The following ABCB7 variants were observed in gnomAD, a reference collection of about 807,000 sequenced individuals.
ABCB7 encodes iron-sulfur clusters transporter ABCB7, mitochondrial.
ABCB7 carries 7 observed loss-of-function variants against 54.4 expected under a neutral mutation model. That is an observed-to-expected ratio of 0.13 (90% CI 0.07 to 0.24). The LOEUF is 0.24. Among genes scored for constraint, ABCB7 ranks in the 10% least tolerant of loss-of-function variants. The pLI, the probability that ABCB7 is intolerant of heterozygous loss-of-function variation, is 1.00. For missense variants in ABCB7, 356 were observed against 570.4 expected (o/e 0.62, Z 3.83); for synonymous variants, 218 against 207.1 (o/e 1.05, Z -0.45).
At chrX:75,055,346 A>G (rs1326370373) in intron 15 of ABCB7, among the ~76,000 whole-genome samples, 1 of 109,204 alleles carries the variant, frequency 9.2e-6, no homozygotes, top group African/African-American at 3.3e-5. Context: ...ATATTTCATT[A>G]GCATGTATCT....
chrX:75,073,536 T>C (rs1196505190), intron 8 of ABCB7, among the ~76,000 whole-genome samples, 153 bp downstream of exon 8: 2 of 112,065 alleles, frequency 1.8e-5, no homozygotes, highest in Non-Finnish European at 3.8e-5. Context: ...GAGGATAGTT[T>C]CTAAAGACAA....
intron 13 of ABCB7, among the ~76,000 whole-genome samples, chrX:75,062,973 C>T (rs891784516): frequency 2.7e-5 from 3 of 111,219 alleles, no homozygotes; most frequent in East Asian, 2.8e-4. Context: ...TAAAGGCATA[C>T]ACTAGATATC....
Position 75,112,943 on chromosome X carries a change from C to G in ABCB7, c.276G>C (p.Lys92Asn). 1 of 1,210,595 alleles carries G rather than the reference C, an allele frequency of 8.3e-7. No individual in the cohort carries two copies. The change falls in exon 3 of 16, where the codon AAG (lysine) becomes AAC (asparagine). Residue 92 changes from lysine to asparagine, a missense_variant. Lys to Asn is a moderately conservative substitution (Grantham distance 94). Around this residue, in one of 2 missense-constraint regions of ABCB7, gnomAD observed 115 missense variants for 99.5 expected, o/e 1.16. Transcript: ENST00000373394. Reference protein sequence around the residue: ...KALQVWPLIEKRTCWHGHAGG... With the variant: ...KALQVWPLIENRTCWHGHAGG... ...CTGCATGACCATGCCAACATGTCCT[C>G]TTTTCTATCAGTGGCCATACCTGGA...
At chrX:75,156,044 A>C (rs1365638994) in intron 1 of ABCB7, 61 bp downstream of exon 1, 2 of 1,183,728 alleles carry the variant, frequency 1.7e-6, no homozygotes, top group African/African-American at 3.5e-5. Flanking sequence ...CAGGAGGGCA[A>C]CCTTTTCCCT....
intron 1 of ABCB7, among the ~76,000 whole-genome samples, chrX:75,124,332 T>C (rs188064920): frequency 2.3e-4 from 26 of 112,340 alleles, no homozygotes; most frequent in Admixed American, 2.1e-3. Context: ...GCAAGGCCTA[T>C]TTAAAAGACA....
At position 75,114,721 on chromosome X, in the gene ABCB7, T is replaced by C. The variant is rs978026654; in HGVS notation, c.246+33A>G. 4.3e-6 allele frequency: 5 copies of C among 1,152,599 alleles called. No individual in the cohort carries two copies. The African/African-American group carries it at 7.2e-5, about 16-fold the overall frequency. The allele number at this position is 1,152,599 out of a possible 1,213,427, so 95.0% of individuals were successfully genotyped here. On this transcript the variant is annotated intron_variant, in intron 2 of 15. Coordinates refer to ENST00000373394, the MANE Select transcript of ABCB7 (RefSeq NM_001271696.3). The stretch of plus-strand genomic sequence containing the variant: ...ACTCCAAGGGTTTACAGGTTTTTCC[T>C]AGCTATATGTAGACATGTTTGCTCA...
At chrX:75,093,045 A>T (rs146175080) in intron 4 of ABCB7, among the ~76,000 whole-genome samples, 664 of 112,106 alleles carry the variant, frequency 5.9e-3, no homozygotes, top group African/African-American at 0.02. Flanking sequence ...AAGACAATCC[A>T]GCAATTGTGT....
chrX:75,112,792 CA>C (rs2081773309), intron 3 of ABCB7, 93 bp downstream of exon 3: 1 of 710,642 alleles, frequency 1.4e-6, no homozygotes, highest in African/African-American at 2.1e-5. Context: ...ATGAGTCAAT[CA>C]AAATATTCTA....
chrX:75,144,491 C>T (rs975534499), intron 1 of ABCB7, among the ~76,000 whole-genome samples: 1 of 110,863 alleles, frequency 9.0e-6, no homozygotes, highest in Non-Finnish European at 1.9e-5. Flanking sequence ...TGGTGAAAAC[C>T]ACTAAATAAA....
intron 12 of ABCB7, among the ~76,000 whole-genome samples, chrX:75,066,140 A>G (rs1290938909): frequency 9.0e-6 from 1 of 111,716 alleles, no homozygotes; most frequent in Non-Finnish European, 1.9e-5. Flanking sequence ...TTATTCTCAC[A>G]TGGCACACTA....
intron 4 of ABCB7, among the ~76,000 whole-genome samples, chrX:75,090,456 A>G (rs1352946826): frequency 9.0e-6 from 1 of 110,870 alleles, no homozygotes; most frequent in Non-Finnish European, 1.9e-5. Context: ...ATGAAGATAC[A>G]ATGTATCAGA....
intron 3 of ABCB7, among the ~76,000 whole-genome samples, chrX:75,102,137 G>A (rs1190707727): frequency 9.0e-6 from 1 of 110,846 alleles, no homozygotes; most frequent in Non-Finnish European, 1.9e-5. Flanking sequence ...TGATCAAATC[G>A]GAGTATTTGG....
In ABCB7 at chrX:75,071,513, C is replaced by T. The variant is rs763867013; in HGVS notation, c.1203G>A (p.Val401=). The change falls in exon 9 of 16, where the codon GTG becomes GTA. Residue 401 remains valine (V), a synonymous_variant. Coordinates refer to ENST00000373394, the MANE Select transcript of ABCB7 (RefSeq NM_001271696.3). ...TGATAGCCACAGACTCATTACCTGC[C>T]ACAATTCCCTGACTGGCGAGCACCA... is the stretch of plus-strand genomic sequence containing the variant. ...AIMVLASQGI[V]AGTLTVGDLV... 6.6e-6 allele frequency: 8 copies of T among 1,208,893 alleles called. No individual in the cohort carries two copies. The Admixed American group carries it at 1.8e-4, about 27-fold the overall frequency.
At chrX:75,153,186 T>C (rs2082145589) in intron 1 of ABCB7, among the ~76,000 whole-genome samples, 1 of 111,207 alleles carries the variant, frequency 9.0e-6, no homozygotes, top group Admixed American at 9.6e-5. Flanking sequence ...CACGCCATTC[T>C]CCTGCCTCAG....
intron 1 of ABCB7, among the ~76,000 whole-genome samples, chrX:75,151,590 ATAC>A (rs1480003036): frequency 8.9e-6 from 1 of 112,191 alleles, no homozygotes; most frequent in African/African-American, 3.2e-5. Context: ...TTGCTCCTGA[ATAC>A]TACACCAGTA....
At position 75,132,383 on chromosome X, in the gene ABCB7, G is replaced by C. The variant is rs761425256; in HGVS notation, c.169-17552C>G. 2.6e-5 allele frequency among the ~76,000 whole-genome samples: 3 copies of C among 113,307 alleles called. No homozygotes were observed. In the South Asian group the frequency reaches 1.1e-3, roughly 41 times the overall value. ...ACAGCCACTCCACATTAGGCTGATC[G>C]TTCTGACTGACAGCAGCTCTGCATT... On this transcript the variant is annotated intron_variant, in intron 1 of 15. Transcript: ENST00000373394.
At chrX:75,064,361 A>G (rs1022612066) in intron 13 of ABCB7, among the ~76,000 whole-genome samples, 4 of 111,287 alleles carry the variant, frequency 3.6e-5, no homozygotes, top group African/African-American at 1.3e-4. Context: ...CCTTACCTCT[A>G]TCTATAATCG....
chrX:75,109,342 C>A (rs1206570417), intron 3 of ABCB7, among the ~76,000 whole-genome samples: 1 of 112,053 alleles, frequency 8.9e-6, no homozygotes, highest in Non-Finnish European at 1.9e-5. Context: ...AAATTGAATA[C>A]ACATTCTGTT....
Position 75,053,286 on chromosome X carries a change from T to C in ABCB7, c.*84A>G. 2 of 1,095,202 alleles carry C rather than the reference T, an allele frequency of 1.8e-6. No homozygotes were observed. Among genetic ancestry groups the C allele is most frequent in the Non-Finnish European group, 2.5e-6 (2 of 802,270 alleles). The allele number at this position is 1,095,202 out of a possible 1,213,427, so 90.3% of individuals were successfully genotyped here. A position where few individuals can be genotyped will look rare whatever the true frequency, so the allele number is the denominator to read the frequency against. ...AAAGAAGGATTATAGAAAATGGGAATGTATGATTTTTTTAATAAAACAATT... is the reference window on the plus strand; with the variant it reads ...AAAGAAGGATTATAGAAAATGGGAACGTATGATTTTTTTAATAAAACAATT... On this transcript the variant is annotated 3_prime_UTR_variant, in exon 16 of 16. Coordinates refer to ENST00000373394, the MANE Select transcript of ABCB7 (RefSeq NM_001271696.3).
Sources: gnomAD v4.1 joint callset for allele counts (sites outside exome capture counted in the v4.1 genomes callset) on GRCh38, gnomAD v4.1.1 for gene constraint, gnomAD v4.1.1 regional missense constraint, MANE v1.5 for transcripts, NCBI Gene and HGNC (gene_info 2026-07-23, HGNC 2026-07-21) for gene names.